CNTNAP2: variants seen among roughly 807,000 people sequenced by gnomAD.
The protein encoded by CNTNAP2 is contactin associated protein 2.
A neutral mutation model predicts 155.2 loss-of-function variants in CNTNAP2; 98 were observed. The ratio of observed to expected loss-of-function variants is 0.63; its 90% CI spans 0.54 to 0.75. The LOEUF (loss-of-function observed/expected upper bound fraction) is 0.75, where lower values mean the gene tolerates loss of function less well. Ranked by LOEUF, CNTNAP2 falls within the 30% of genes least tolerant of loss-of-function variation. CNTNAP2 has a pLI of 0.00. For missense variants in CNTNAP2, 1,727 were observed against 1,688.1 expected (o/e 1.02, Z -0.40); for synonymous variants, 651 against 631.2 (o/e 1.03, Z -0.47).
intron 21 of CNTNAP2, among the ~76,000 whole-genome samples, chr7:148,283,293 AAG>A (rs1491434344): frequency 3.1e-5 from 3 of 96,364 alleles, no homozygotes; most frequent in Non-Finnish European, 6.2e-5. Flanking sequence ...GAAAGAAAGA[AAG>A]AAAGAAAGAA....
intron 2 of CNTNAP2, among the ~76,000 whole-genome samples, chr7:146,791,290 A>G (rs1455579090): frequency 1.3e-5 from 2 of 152,114 alleles, no homozygotes; most frequent in Admixed American, 6.5e-5. Flanking sequence ...TTATGGCTAC[A>G]TAGTATTGCA....
intron 15 of CNTNAP2, among the ~76,000 whole-genome samples, chr7:148,030,225 A>G (rs563081113): frequency 1.3e-5 from 2 of 152,322 alleles, no homozygotes; most frequent in African/African-American, 2.4e-5. Context: ...ATTCTGTGTC[A>G]TCAACAAAGA....
chr7:148,411,194 CTT>C (rs1312279862), intron 23 of CNTNAP2, among the ~76,000 whole-genome samples: 1 of 152,122 alleles, frequency 6.6e-6, no homozygotes, highest in Non-Finnish European at 1.5e-5. Flanking sequence ...TCCTCACTGT[CTT>C]TTGCTTTTTT....
intron 3 of CNTNAP2, among the ~76,000 whole-genome samples, chr7:146,868,595 T>C (rs541144596): frequency 6.6e-6 from 1 of 152,280 alleles, no homozygotes; most frequent in African/African-American, 2.4e-5. Context: ...AATTTGTAAA[T>C]TGCTTTGGGC....
intron 2 of CNTNAP2, among the ~76,000 whole-genome samples, chr7:146,795,441 A>G (rs1016219537): frequency 1.3e-5 from 2 of 152,204 alleles, no homozygotes; most frequent in Non-Finnish European, 2.9e-5. Flanking sequence ...AAAGATGACA[A>G]TGAAAGTGTT....
Position 148,184,875 on chromosome 7 carries a change from T to C in CNTNAP2, c.3010+12397T>C, listed in dbSNP as rs1795092344. Among the ~76,000 whole-genome samples, 6 of 152,330 alleles carry C rather than the reference T, an allele frequency of 3.9e-5. No individual in the cohort carries two copies. In the South Asian group the frequency reaches 1.2e-3, roughly 32 times the overall value. ...TTCATTATTCACAAGGCTGTGAGGA[T>C]CAAATGAGCTGATGGATGTGAAAGT... On this transcript the variant is annotated intron_variant, in intron 18 of 23. Coordinates refer to ENST00000361727, the MANE Select transcript of CNTNAP2 (RefSeq NM_014141.6).
intron 18 of CNTNAP2, among the ~76,000 whole-genome samples, chr7:148,203,280 C>A (rs1795394738): frequency 6.6e-6 from 1 of 152,122 alleles, no homozygotes; most frequent in African/African-American, 2.4e-5. Flanking sequence ...GTGTACATTG[C>A]ATACCTACTA....
At chr7:147,438,995 G>A (rs954668896) in intron 10 of CNTNAP2, among the ~76,000 whole-genome samples, 3 of 151,644 alleles carry the variant, frequency 2.0e-5, no homozygotes, top group Admixed American at 2.0e-4. Flanking sequence ...CTGTAGTCTG[G>A]CTAAAAGTTT....
intron 3 of CNTNAP2, 117 bp from the exon 4 acceptor site, chr7:147,043,790 T>C: frequency 3.3e-6 from 4 of 1,230,204 alleles, no homozygotes; most frequent in Non-Finnish European, 4.6e-6. Flanking sequence ...TTATTTACGG[T>C]GTAAGAAATC....
At chr7:147,811,702 T>G (rs1191872403) in intron 13 of CNTNAP2, among the ~76,000 whole-genome samples, 1 of 152,220 alleles carries the variant, frequency 6.6e-6, no homozygotes, top group Non-Finnish European at 1.5e-5. Flanking sequence ...CCATTTAGCC[T>G]AATTATTCAA....
At chr7:147,816,867 C>A (rs561473060) in intron 13 of CNTNAP2, among the ~76,000 whole-genome samples, 1 of 152,132 alleles carries the variant, frequency 6.6e-6, no homozygotes, top group Admixed American at 6.5e-5. Context: ...TTAAAAAGAA[C>A]TAGACAATAG....
At chr7:147,904,760 CT>C (rs1299095494) in intron 14 of CNTNAP2, among the ~76,000 whole-genome samples, 1 of 152,132 alleles carries the variant, frequency 6.6e-6, no homozygotes, top group Non-Finnish European at 1.5e-5. Context: ...ATTACAAAGC[CT>C]ATCTATTTCA....
chr7:147,824,306 A>G (rs964655008), intron 13 of CNTNAP2, among the ~76,000 whole-genome samples: 1 of 152,196 alleles, frequency 6.6e-6, no homozygotes. Context: ...TGGGGCACAT[A>G]TCTGTAAGAT....
intron 1 of CNTNAP2, among the ~76,000 whole-genome samples, chr7:146,264,714 G>A (rs802570): frequency 0.12 from 18,314 of 152,134 alleles, 3,301 homozygotes; most frequent in African/African-American, 0.39. Context: ...GAGAAAAAAC[G>A]AAGCAGAAGG....
chr7:146,120,401 G>A lies in CNTNAP2; in HGVS notation c.97+3428G>A, dbSNP rs531504373. Among the ~76,000 whole-genome samples the A allele has an allele frequency of 3.6e-4, 54 of 152,028 alleles. 1 individual carries two copies. Among genetic ancestry groups the A allele is most frequent in the South Asian group, 8.3e-4 (4 of 4,816 alleles). ...ATAATCTCGATTTTATTATAGGCAC[G>A]GATATTCAGGAAGTAAGAATCATTG... On this transcript the variant is annotated intron_variant, in intron 1 of 23. Coordinates refer to ENST00000361727, the MANE Select transcript of CNTNAP2 (RefSeq NM_014141.6).
chr7:147,941,229 G>A (rs1800716293), intron 14 of CNTNAP2, among the ~76,000 whole-genome samples: 2 of 152,184 alleles, frequency 1.3e-5, no homozygotes, highest in South Asian at 4.1e-4. Context: ...GTGTAAGAGA[G>A]AGACCCTGGA....
chr7:147,605,596 T>C (rs1012438975), intron 12 of CNTNAP2, among the ~76,000 whole-genome samples: 3 of 152,128 alleles, frequency 2.0e-5, no homozygotes, highest in African/African-American at 7.2e-5. Flanking sequence ...GTGTCCGCCC[T>C]TCTTGTGATA....
intron 13 of CNTNAP2, among the ~76,000 whole-genome samples, chr7:147,791,003 C>T (rs1032359395): frequency 6.6e-6 from 1 of 152,216 alleles, no homozygotes; most frequent in African/African-American, 2.4e-5. Context: ...CTACTTTCAG[C>T]AAATTCAGTT....
chr7:147,562,511 G>T (rs987211644), intron 12 of CNTNAP2, among the ~76,000 whole-genome samples: 1 of 151,914 alleles, frequency 6.6e-6, no homozygotes. Context: ...GCATGTAGGG[G>T]GAAAAAAACA....
Sources: allele counts gnomAD v4.1 joint callset (sites outside exome capture counted in the v4.1 genomes callset), GRCh38; gene constraint gnomAD v4.1.1; transcripts MANE v1.5; gene names NCBI Gene and HGNC (gene_info 2026-07-23, HGNC 2026-07-21).